Variants in TRMT1L observed in about 807,000 individuals in gnomAD.
TRMT1L encodes the protein tRNA (guanine(27)-N(2))-dimethyltransferase.
A neutral mutation model predicts 81.6 loss-of-function variants in TRMT1L; 28 were observed. The ratio of observed to expected loss-of-function variants is 0.34; its 90% CI spans 0.25 to 0.47. TRMT1L has a LOEUF of 0.47. Ranked by LOEUF, TRMT1L falls within the 20% of genes least tolerant of loss-of-function variation. The pLI is 1.00. For synonymous variants in TRMT1L, 301 were observed against 303.2 expected (o/e 0.99, Z 0.07); for missense variants, 739 against 877.1 (o/e 0.84, Z 1.99).
intron 7 of TRMT1L, 56 bp downstream of exon 7, chr1:185,143,301 A>G: frequency 6.8e-7 from 1 of 1,467,088 alleles, no homozygotes; most frequent in Non-Finnish European, 9.3e-7. Context: ...TTCTAAGAAA[A>G]AATACTGTAA....
At chr1:185,124,202 A>G (rs1652566555) in intron 12 of TRMT1L, among the ~76,000 whole-genome samples, 1 of 152,210 alleles carries the variant, frequency 6.6e-6, no homozygotes, top group African/African-American at 2.4e-5. Flanking sequence ...ACATAGCTTT[A>G]CTGAATGAGA....
chr1:185,156,897 A>G lies in TRMT1L; in HGVS notation c.-185T>C. The G allele has an allele frequency of 2.4e-6, 2 of 818,196 alleles. No individual in the cohort carries two copies. Among genetic ancestry groups the G allele is most frequent in the Non-Finnish European group, 3.6e-6 (2 of 555,840 alleles). 50.7% of individuals were successfully genotyped at this position (818,196 alleles called of 1,614,324 possible). On this transcript the variant is annotated 5_prime_UTR_variant, in exon 1 of 15. Coordinates refer to ENST00000367506, the MANE Select transcript of TRMT1L (RefSeq NM_030934.5). The stretch of plus-strand genomic sequence containing the variant: ...ACCAAATCCTGTTAGTAGAAAACAG[A>G]AAGCCAGAGGCAGCGATTCCAGATG...
At chr1:185,136,226 TGG>T (rs1002913334) in intron 10 of TRMT1L, among the ~76,000 whole-genome samples, 18 of 152,076 alleles carry the variant, frequency 1.2e-4, no homozygotes, top group East Asian at 1.2e-3. Context: ...CCAGCAAACA[TGG>T]TGAAACCCCG....
intron 10 of TRMT1L, among the ~76,000 whole-genome samples, chr1:185,135,986 CCA>C (rs1475468408): frequency 6.6e-6 from 1 of 152,126 alleles, no homozygotes; most frequent in Non-Finnish European, 1.5e-5. Context: ...ATAATCATCT[CCA>C]CAGATGCTGA....
intron 5 of TRMT1L, among the ~76,000 whole-genome samples, chr1:185,144,694 T>C (rs1165125767): frequency 7.7e-6 from 1 of 129,618 alleles, no homozygotes; most frequent in Non-Finnish European, 1.6e-5. Context: ...TCCTTTATGT[T>C]TGGATTTCTT....
In TRMT1L at chr1:185,143,304, T is replaced by A. The variant is rs1028524771; in HGVS notation, c.859+53A>T. On this transcript the variant is annotated intron_variant, in intron 7 of 14. Transcript: ENST00000367506. The stretch of plus-strand genomic sequence containing the variant: ...CCCATATATATTTTCTAAGAAAAAA[T>A]ACTGTAAAATTGAATAAATAAAATG... 8.2e-6 allele frequency: 12 copies of A among 1,469,608 alleles called. No individual in the cohort carries two copies. In the East Asian group the frequency reaches 2.6e-4, roughly 31 times the overall value. The allele number at this position is 1,469,608 out of a possible 1,614,324, so 91.0% of individuals were successfully genotyped here. A position where few individuals can be genotyped will look rare whatever the true frequency, so the allele number is the denominator to read the frequency against.
intron 1 of TRMT1L, among the ~76,000 whole-genome samples, chr1:185,155,859 A>C (rs921821954): frequency 6.6e-6 from 1 of 152,258 alleles, no homozygotes; most frequent in Non-Finnish European, 1.5e-5. Context: ...AATGGAGTAC[A>C]AAACTCAATT....
Position 185,120,024 on chromosome 1 carries a change from A to G in TRMT1L, c.2197T>C (p.Trp733Arg). The change falls in exon 15 of 15, where the codon TGG (tryptophan) becomes CGG (arginine). Residue 733 changes from tryptophan (W) to arginine (R), a missense_variant. Trp to Arg is a moderately radical substitution (Grantham distance 101, BLOSUM62 -3). This residue lies in a region of TRMT1L where 196 missense variants were observed against 232.6 expected (regional missense o/e 0.84). Transcript: ENST00000367506. Reference protein sequence around the residue: ...DKAEASGCRRW With the variant: ...DKAEASGCRRR ...GAACCAATTCTTCTCTACGTTTACCATCTTCTGCAGCCACTTGCTTCTGCT... is the reference window on the plus strand; with the variant it reads ...GAACCAATTCTTCTCTACGTTTACCGTCTTCTGCAGCCACTTGCTTCTGCT... 1 of 1,613,496 alleles carries G rather than the reference A, an allele frequency of 6.2e-7. No homozygotes were observed. The highest frequency in any genetic ancestry group is 1.7e-4 in the Middle Eastern group (1 of 6,060).
In TRMT1L at chr1:185,156,784, T is replaced by C; in HGVS notation, c.-72A>G. ...TCACGGCGGGGTCAGAGAACTGACGTGAATGCCCACAGGGCTGGATCCAAG... is the reference window on the plus strand; with the variant it reads ...TCACGGCGGGGTCAGAGAACTGACGCGAATGCCCACAGGGCTGGATCCAAG... On this transcript the variant is annotated 5_prime_UTR_variant, in exon 1 of 15. Coordinates refer to ENST00000367506, the MANE Select transcript of TRMT1L (RefSeq NM_030934.5). 6.3e-7 allele frequency: 1 copy of C among 1,590,980 alleles called. No individual in the cohort carries two copies.
chr1:185,120,355 A>G (rs770445082), intron 14 of TRMT1L, 28 bp downstream of exon 14: 11 of 1,505,982 alleles, frequency 7.3e-6, no homozygotes, highest in African/African-American at 4.2e-5. Context: ...TAAAATATAT[A>G]TACTTTGTCA....
chr1:185,151,616 A>G (rs540565465), intron 2 of TRMT1L, among the ~76,000 whole-genome samples: 11 of 152,246 alleles, frequency 7.2e-5, no homozygotes, highest in Non-Finnish European at 1.3e-4. Flanking sequence ...TGAAATTATA[A>G]TTTTCTTGAG....
chr1:185,128,458 T>G (rs1652689815), intron 11 of TRMT1L, among the ~76,000 whole-genome samples: 1 of 152,334 alleles, frequency 6.6e-6, no homozygotes, highest in South Asian at 2.1e-4. Context: ...CATTGCCTCT[T>G]AGTTCTGTCA....
intron 1 of TRMT1L, among the ~76,000 whole-genome samples, chr1:185,156,271 C>G (rs1653553834): frequency 6.6e-6 from 1 of 152,216 alleles, no homozygotes; most frequent in African/African-American, 2.4e-5. Flanking sequence ...ATATCCCTCA[C>G]CGTGACATCC....
intron 12 of TRMT1L, 86 bp downstream of exon 12, chr1:185,124,858 T>A: frequency 7.9e-7 from 1 of 1,266,234 alleles, no homozygotes; most frequent in South Asian, 1.7e-5. Flanking sequence ...TATATTGGTT[T>A]TATTATAACA....
intron 5 of TRMT1L, 55 bp from the exon 6 acceptor site, chr1:185,144,084 AAG>A (rs150245199): frequency 0.073 from 107,796 of 1,482,358 alleles, 5,478 homozygotes; most frequent in East Asian, 0.26. Context: ...TTCTAAACAA[AAG>A]ATTTCCAAGA....
At chr1:185,139,178 A>G (rs1388620647) in intron 9 of TRMT1L, among the ~76,000 whole-genome samples, 189 bp downstream of exon 9, 1 of 152,240 alleles carries the variant, frequency 6.6e-6, no homozygotes, top group Non-Finnish European at 1.5e-5. Flanking sequence ...AGTAAACTGA[A>G]TATTTCAGGT....
At chr1:185,132,485 C>T (rs914163255) in intron 10 of TRMT1L, among the ~76,000 whole-genome samples, 1 of 151,168 alleles carries the variant, frequency 6.6e-6, no homozygotes, top group Non-Finnish European at 1.5e-5. Context: ...TGCCACTGCA[C>T]TCCAGCCTGG....
intron 1 of TRMT1L, among the ~76,000 whole-genome samples, chr1:185,153,568 A>T (rs566521217): frequency 1.8e-4 from 27 of 152,326 alleles, no homozygotes; most frequent in African/African-American, 6.5e-4. Context: ...CAGAGTAGAA[A>T]CAGAATTGGA....
At chr1:185,143,566 T>G in intron 6 of TRMT1L, 130 bp from the exon 7 acceptor site, 1 of 728,996 alleles carries the variant, frequency 1.4e-6, no homozygotes. Context: ...CCTGAAAACA[T>G]ATTCTGAATT....
Sources: gnomAD v4.1 joint callset for allele counts (sites outside exome capture counted in the v4.1 genomes callset) on GRCh38, gnomAD v4.1.1 for gene constraint, gnomAD v4.1.1 regional missense constraint, MANE v1.5 for transcripts, NCBI Gene and HGNC (gene_info 2026-07-23, HGNC 2026-07-21) for gene names.